Variants in CDK14 observed in about 807,000 individuals in gnomAD.
CDK14 encodes cyclin-dependent kinase 14.
In CDK14, 34 loss-of-function variants were observed where a neutral mutation model predicts 60.7. The observed-to-expected ratio is 0.56, with a 90% CI of 0.43 to 0.75. CDK14 has a LOEUF of 0.75. Among genes scored for constraint, CDK14 ranks in the 30% least tolerant of loss-of-function variants. The pLI, the probability that CDK14 is intolerant of heterozygous loss-of-function variation, is 0.00. For synonymous variants in CDK14, 197 were observed against 203.7 expected (o/e 0.97, Z 0.28); for missense variants, 482 against 564.1 (o/e 0.85, Z 1.47).
At chr7:90,833,362 A>G (rs1250996167) in intron 5 of CDK14, among the ~76,000 whole-genome samples, 1 of 152,228 alleles carries the variant, frequency 6.6e-6, no homozygotes, top group Non-Finnish European at 1.5e-5. Flanking sequence ...TACCCCAGAT[A>G]TACTGAATCA....
chr7:90,869,270 G>T (rs1301092954), intron 6 of CDK14, among the ~76,000 whole-genome samples: 1 of 152,172 alleles, frequency 6.6e-6, no homozygotes, highest in East Asian at 1.9e-4. Flanking sequence ...GGGTGATCAG[G>T]GAGGGCTTGC....
chr7:91,114,786 A>G (rs1799559882), intron 13 of CDK14, among the ~76,000 whole-genome samples: 1 of 152,182 alleles, frequency 6.6e-6, no homozygotes, highest in African/African-American at 2.4e-5. Context: ...AAGAAAGGAC[A>G]ATCCCAGTAT....
chr7:91,151,505 G>A (rs977035912), intron 14 of CDK14, among the ~76,000 whole-genome samples: 2 of 152,212 alleles, frequency 1.3e-5, no homozygotes, highest in African/African-American at 4.8e-5. Flanking sequence ...AGTTATGATG[G>A]GGTTTCATTT....
intron 8 of CDK14, among the ~76,000 whole-genome samples, chr7:90,943,099 G>T (rs984711681): frequency 1.3e-5 from 2 of 152,162 alleles, no homozygotes; most frequent in African/African-American, 4.8e-5. Context: ...CTGTGGTTGA[G>T]CTCTAAGCTG....
chr7:90,967,177 G>GGGAA (rs3832536), intron 9 of CDK14, among the ~76,000 whole-genome samples: 27,861 of 135,988 alleles, frequency 0.2, 3,395 homozygotes, highest in Middle Eastern at 0.28. Context: ...GAAGGAAGGA[G>GGGAA]GGAAGGAAGG....
chr7:90,997,487 T>TA, intron 10 of CDK14, among the ~76,000 whole-genome samples: 1 of 152,370 alleles, frequency 6.6e-6, no homozygotes, highest in East Asian at 1.9e-4. Flanking sequence ...TGCTTTTTGT[T>TA]AGTTTCTCCT....
chr7:91,139,002 A>T (rs1172199570), intron 14 of CDK14, among the ~76,000 whole-genome samples: 1 of 152,166 alleles, frequency 6.6e-6, no homozygotes, highest in Non-Finnish European at 1.5e-5. Context: ...AGCAGACATC[A>T]TTCGAGGTCA....
rs118107895 is a variant in CDK14 at position 91,054,071 on chromosome 7, C to T, written c.1105+8111C>T. On this transcript the variant is annotated intron_variant, in intron 11 of 14. Transcript: ENST00000380050. ...AAAAGTACTTTTAAACTGTTAGGGG[C>T]ATGTAACTGCAAAATAATTTTTTTT... 3.0e-4 allele frequency among the ~76,000 whole-genome samples: 44 copies of T among 144,374 alleles called. No homozygotes were observed. In the East Asian group the frequency reaches 8.3e-3, roughly 27 times the overall value. The allele number at this position is 144,374 out of a possible 152,430, so 94.7% of individuals were successfully genotyped here. A position where few individuals can be genotyped will look rare whatever the true frequency, so the allele number is the denominator to read the frequency against.
At chr7:91,173,480 G>A (rs143821394) in intron 14 of CDK14, among the ~76,000 whole-genome samples, 8,818 of 151,840 alleles carry the variant, frequency 0.058, 380 homozygotes, top group Admixed American at 0.14. Context: ...GAACAGCTCC[G>A]GTCTATAGCT....
chr7:90,873,345 G>A (rs74583981), intron 6 of CDK14, among the ~76,000 whole-genome samples: 25,489 of 152,130 alleles, frequency 0.17, 2,353 homozygotes, highest in Middle Eastern at 0.27. Context: ...AGCAAATTCA[G>A]TTGTAAGTGT....
At chr7:90,913,477 T>C (rs931370826) in intron 7 of CDK14, among the ~76,000 whole-genome samples, 22 of 152,234 alleles carry the variant, frequency 1.4e-4, no homozygotes, top group African/African-American at 4.1e-4. Flanking sequence ...CACAAACTTA[T>C]TTTAATGTGC....
intron 7 of CDK14, among the ~76,000 whole-genome samples, chr7:90,902,004 T>A (rs965897266): frequency 6.6e-6 from 1 of 152,032 alleles, no homozygotes; most frequent in Non-Finnish European, 1.5e-5. Flanking sequence ...ACAATTTAAT[T>A]TATAATAGTT....
intron 9 of CDK14, among the ~76,000 whole-genome samples, chr7:90,975,082 GCA>G (rs1170589315): frequency 2.6e-5 from 4 of 152,158 alleles, no homozygotes; most frequent in Non-Finnish European, 5.9e-5. Context: ...ATCATGGAGA[GCA>G]CAGAGTTAGG....
At chr7:90,621,826 A>C (rs1465867810) in intron 2 of CDK14, among the ~76,000 whole-genome samples, 1 of 152,150 alleles carries the variant, frequency 6.6e-6, no homozygotes, top group African/African-American at 2.4e-5. Flanking sequence ...CTATTTTTAC[A>C]GATGGGGAAA....
chr7:91,007,928 A>G (rs1472464175), intron 10 of CDK14, among the ~76,000 whole-genome samples: 4 of 152,014 alleles, frequency 2.6e-5, no homozygotes, highest in Non-Finnish European at 2.9e-5. Context: ...TATAAACACA[A>G]TATTTCATTA....
At position 90,719,528 on chromosome 7, in the gene CDK14, T is replaced by C. The variant is rs189307421; in HGVS notation, c.124-7039T>C. ...CTCTAAGCTAGAATCGTAGGTCAAA[T>C]TGTGACTTTTGGAGCCTCATACACT... On this transcript the variant is annotated intron_variant, in intron 2 of 14. Coordinates refer to ENST00000380050, the MANE Select transcript of CDK14 (RefSeq NM_001287135.2). 7.2e-4 allele frequency among the ~76,000 whole-genome samples: 110 copies of C among 152,290 alleles called. 2 individuals are homozygous for C. In the East Asian group the frequency reaches 0.016, roughly 22 times the overall value.
chr7:90,745,480 C>T (rs1276316785), intron 3 of CDK14, among the ~76,000 whole-genome samples: 2 of 152,076 alleles, frequency 1.3e-5, no homozygotes, highest in Admixed American at 6.5e-5. Flanking sequence ...TCTGTTCAGC[C>T]ATTGAGCTTA....
intron 2 of CDK14, among the ~76,000 whole-genome samples, chr7:90,650,299 G>A (rs533113561): frequency 6.6e-6 from 1 of 151,732 alleles, no homozygotes; most frequent in East Asian, 2.0e-4. Context: ...ACTTTTTGAC[G>A]GGGTCGTTTG....
intron 11 of CDK14, among the ~76,000 whole-genome samples, chr7:91,062,455 G>T (rs928752079): frequency 2.0e-5 from 3 of 151,974 alleles, no homozygotes; most frequent in African/African-American, 7.3e-5. Context: ...TGGTACCTCA[G>T]TTGGAAATGC....
Sources: allele counts gnomAD v4.1 joint callset (sites outside exome capture counted in the v4.1 genomes callset), GRCh38; gene constraint gnomAD v4.1.1; transcripts MANE v1.5; gene names NCBI Gene and HGNC (gene_info 2026-07-23, HGNC 2026-07-21).